The following MMP24 variants were observed in gnomAD, a reference collection of about 807,000 sequenced individuals.
The protein encoded by MMP24 is matrix metalloproteinase-24.
In MMP24, 25 loss-of-function variants were observed where a neutral mutation model predicts 62.8. That is an observed-to-expected ratio of 0.40 (90% CI 0.29 to 0.56). The LOEUF (loss-of-function observed/expected upper bound fraction) is 0.56. MMP24 is among the 20% of genes least tolerant of loss of function. The probability of loss-of-function intolerance (pLI) is 0.50; values close to 1 mark genes in which losing one functional copy is unlikely to be tolerated. For synonymous variants in MMP24, 319 were observed against 350.5 expected (o/e 0.91, Z 1.00); for missense variants, 634 against 853.6 (o/e 0.74, Z 3.21).
At chr20:35,266,971 GTA>G (rs1483377635) in intron 5 of MMP24, among the ~76,000 whole-genome samples, 1 of 152,140 alleles carries the variant, frequency 6.6e-6, no homozygotes. Context: ...TGATTGCTCT[GTA>G]ACAGGAGAGA....
At chr20:35,230,902 A>T (rs1600769572) in intron 1 of MMP24, among the ~76,000 whole-genome samples, 1 of 152,092 alleles carries the variant, frequency 6.6e-6, no homozygotes, top group Non-Finnish European at 1.5e-5. Context: ...CAAGCCAAAA[A>T]ATTTTTTTAT....
chr20:35,245,367 C>T (rs1455526827), intron 1 of MMP24, among the ~76,000 whole-genome samples: 1 of 152,186 alleles, frequency 6.6e-6, no homozygotes, highest in Non-Finnish European at 1.5e-5. Flanking sequence ...AAACTGTTAA[C>T]ATCTAACTAT....
chr20:35,252,086 G>T (rs2060550638), intron 3 of MMP24, 65 bp downstream of exon 3: 1 of 1,317,358 alleles, frequency 7.6e-7, no homozygotes, highest in Middle Eastern at 1.8e-4. Context: ...TTCCTGGCCT[G>T]AGTTTCAAAG....
chr20:35,247,034 C>A (rs773655296), intron 2 of MMP24, 46 bp downstream of exon 2: 1 of 1,607,786 alleles, frequency 6.2e-7, no homozygotes, highest in South Asian at 1.1e-5. Flanking sequence ...TCTGGACTTA[C>A]ATTTGGGTTC....
At chr20:35,252,828 G>A (rs1006559814) in intron 3 of MMP24, among the ~76,000 whole-genome samples, 1 of 150,914 alleles carries the variant, frequency 6.6e-6, no homozygotes, top group African/African-American at 2.4e-5. Flanking sequence ...GGCTCAGGTG[G>A]GGCTGGGGCA....
At chr20:35,273,786 A>T (rs2060686402) in intron 8 of MMP24, among the ~76,000 whole-genome samples, 1 of 151,932 alleles carries the variant, frequency 6.6e-6, no homozygotes, top group South Asian at 2.1e-4. Flanking sequence ...AAGGTCCTGC[A>T]TCTGTGTTGT....
intron 4 of MMP24, 108 bp from the exon 5 acceptor site, chr20:35,263,683 G>A (rs2060616191): frequency 5.3e-6 from 5 of 939,090 alleles, no homozygotes; most frequent in Middle Eastern, 3.5e-4. Flanking sequence ...TGTCCAGCAC[G>A]GGGCCTGGCA....
rs2146193537 is a variant in MMP24 at position 35,226,723 on chromosome 20, GGGCCCCGCCGCCGGGA to G, written c.-15_1del. On this transcript the variant is annotated start_lost and 5_prime_UTR_variant, in exon 1 of 9. Coordinates refer to ENST00000246186, the MANE Select transcript of MMP24 (RefSeq NM_006690.4). ...CGGCGAAGGCAGGCGGGCCGGGCGC[GGGCCCCGCCGCCGGGA>G]TGCCGAGGAGCCGGGGCGGCCGCGC... is the stretch of plus-strand genomic sequence containing the variant. 1.1e-5 allele frequency: 6 copies of G among 556,218 alleles called. No homozygotes were observed. The highest frequency in any genetic ancestry group is 1.1e-5 in the Non-Finnish European group (5 of 444,208). 34.5% of individuals were successfully genotyped at this position (556,218 alleles called of 1,614,324 possible).
chr20:35,254,329 C>T (rs1344730521), intron 3 of MMP24, 121 bp from the exon 4 acceptor site: 3 of 1,001,054 alleles, frequency 3.0e-6, no homozygotes, highest in Non-Finnish European at 4.4e-6. Flanking sequence ...CCTGAGGCAG[C>T]TAAGCAGAAT....
rs34474017 is a variant in MMP24 at position 35,253,270 on chromosome 20, C to CTTTTT, written c.513-1161_513-1157dup. On this transcript the variant is annotated intron_variant, in intron 3 of 8. Coordinates refer to ENST00000246186, the MANE Select transcript of MMP24 (RefSeq NM_006690.4). The stretch of plus-strand genomic sequence containing the variant: ...GACAAGCACTCCCTACAGAACGGGA[C>CTTTTT]TTTTTTTTTTTTTTTTTTTTTTTCA... 2.2e-4 allele frequency among the ~76,000 whole-genome samples: 17 copies of CTTTTT among 79,048 alleles called. 1 individual carries two copies. The highest frequency in any genetic ancestry group is 8.1e-4 in the African/African-American group (14 of 17,180). 51.9% of individuals were successfully genotyped at this position (79,048 alleles called of 152,430 possible).
chr20:35,273,829 A>C (rs1163749394), intron 8 of MMP24, among the ~76,000 whole-genome samples: 1 of 152,134 alleles, frequency 6.6e-6, no homozygotes, highest in East Asian at 1.9e-4. Flanking sequence ...AAAAATCCAT[A>C]ATTGCAGAGA....
chr20:35,260,748 T>C (rs1034606129), intron 4 of MMP24, among the ~76,000 whole-genome samples: 1 of 152,240 alleles, frequency 6.6e-6, no homozygotes, highest in Non-Finnish European at 1.5e-5. Flanking sequence ...TCCCCCTTCC[T>C]TTCCGTTGCT....
intron 7 of MMP24, 103 bp downstream of exon 7, chr20:35,270,001 G>C: frequency 7.1e-7 from 1 of 1,414,670 alleles, no homozygotes; most frequent in Non-Finnish European, 9.6e-7. Flanking sequence ...GATGTCCTCA[G>C]AGGGCCCCTC....
chr20:35,270,447 G>A (rs1225313719), intron 7 of MMP24, among the ~76,000 whole-genome samples: 4 of 152,262 alleles, frequency 2.6e-5, no homozygotes, highest in Non-Finnish European at 5.9e-5. Flanking sequence ...GGCCACGGAG[G>A]CCCCGCCTTG....
At chr20:35,239,200 G>A (rs1022469304) in intron 1 of MMP24, among the ~76,000 whole-genome samples, 7 of 151,806 alleles carry the variant, frequency 4.6e-5, no homozygotes, top group East Asian at 1.9e-4. Context: ...GCGCACGCCC[G>A]GCTAATTTTT....
intron 4 of MMP24, among the ~76,000 whole-genome samples, chr20:35,258,814 A>G (rs1210580222): frequency 1.3e-5 from 2 of 152,090 alleles, no homozygotes; most frequent in African/African-American, 4.8e-5. Context: ...AAAAACAACA[A>G]AAAAGATTGC....
At chr20:35,238,294 A>G (rs1192364280) in intron 1 of MMP24, among the ~76,000 whole-genome samples, 1 of 152,204 alleles carries the variant, frequency 6.6e-6, no homozygotes, top group Admixed American at 6.5e-5. Flanking sequence ...TGGGGTGACA[A>G]TGATGAGGAG....
At chr20:35,232,646 A>C (rs2060443138) in intron 1 of MMP24, among the ~76,000 whole-genome samples, 1 of 152,198 alleles carries the variant, frequency 6.6e-6, no homozygotes, top group Non-Finnish European at 1.5e-5. Context: ...CAGGCAGAAT[A>C]AAAAATATGA....
chr20:35,241,963 G>A (rs767334817), intron 1 of MMP24, among the ~76,000 whole-genome samples: 8 of 152,188 alleles, frequency 5.3e-5, no homozygotes, highest in South Asian at 2.1e-4. Context: ...AGTAGAGTCC[G>A]TTGGCAGATA....
Sources: allele counts gnomAD v4.1 joint callset (sites outside exome capture counted in the v4.1 genomes callset), GRCh38; gene constraint gnomAD v4.1.1; transcripts MANE v1.5; gene names NCBI Gene and HGNC (gene_info 2026-07-23, HGNC 2026-07-21).